Variants in DIP2C observed in about 807,000 individuals in gnomAD.
The protein encoded by DIP2C is disco-interacting protein 2 homolog C.
A neutral mutation model predicts 192.4 loss-of-function variants in DIP2C; 33 were observed. The ratio of observed to expected loss-of-function variants is 0.17; its 90% confidence interval spans 0.13 to 0.23. The LOEUF is 0.23. Ranked by LOEUF, DIP2C falls within the 10% of genes least tolerant of loss-of-function variation. DIP2C has a pLI of 1.00. For missense variants in DIP2C, 1,537 were observed against 2,110.1 expected (o/e 0.73, Z 5.32); for synonymous variants, 979 against 864.1 (o/e 1.13, Z -2.33).
rs568497392 is a variant in DIP2C at position 349,761 on chromosome 10, C to T, written c.2986-307G>A. 1.2e-4 allele frequency among the ~76,000 whole-genome samples: 18 copies of T among 152,310 alleles called. No individual in the cohort carries two copies. In the East Asian group the frequency reaches 2.1e-3, roughly 18 times the overall value. ...AAAAATGATTACGTGAATTAAAAAACGGTAGAACAAAAAACCCTGGCAATT... is the reference window on the plus strand; with the variant it reads ...AAAAATGATTACGTGAATTAAAAAATGGTAGAACAAAAAACCCTGGCAATT... On this transcript the variant is annotated intron_variant, in intron 24 of 36. Transcript: ENST00000280886.
Position 580,574 on chromosome 10 carries a change from T to C in DIP2C, c.86-94044A>G, listed in dbSNP as rs1049859591. ...ATAGCATGCACACATGTAGGACACA[T>C]GTAGTGTACATACCTATACATTGTA... On this transcript the variant is annotated intron_variant, in intron 1 of 36. Transcript: ENST00000280886. Among the ~76,000 whole-genome samples, 10 of 152,310 alleles carry C rather than the reference T, an allele frequency of 6.6e-5. No individual in the cohort carries two copies. The East Asian group carries it at 1.7e-3, about 26-fold the overall frequency.
chr10:630,236 T>C (rs1854440478), intron 1 of DIP2C: 2 of 152,208 alleles, frequency 1.3e-5, no homozygotes, highest in South Asian at 4.1e-4. Context: ...GTTCTGCTCT[T>C]TTGGTTTAAA....
chr10:344,830 A>C lies in DIP2C; in HGVS notation c.3432T>G (p.Thr1144=). 6.3e-7 allele frequency: 1 copy of C among 1,598,016 alleles called. No homozygotes were observed. Among genetic ancestry groups the C allele is most frequent in the South Asian group, 1.1e-5 (1 of 88,024 alleles). Reference sequence around the variant, plus strand: ...TCACCTTTACGCCAGCTAGCATCCCAGTTGTGGACACGCTGAAGTCGAGAT... The same window carrying C: ...TCACCTTTACGCCAGCTAGCATCCCCGTTGTGGACACGCTGAAGTCGAGAT... ...LAYLDFSVST[T]GMLAGVKMSH... is the part of the protein sequence containing the mutation. The change falls in exon 28 of 37, where the codon ACT becomes ACG. Residue 1144 remains threonine, a synonymous_variant. Coordinates refer to ENST00000280886, the MANE Select transcript of DIP2C (RefSeq NM_014974.3).
intron 3 of DIP2C, among the ~76,000 whole-genome samples, chr10:468,287 A>G (rs1420278105): frequency 6.6e-6 from 1 of 152,178 alleles, no homozygotes; most frequent in Non-Finnish European, 1.5e-5. Flanking sequence ...AACAGCAAAG[A>G]ATAAGGAAAC....
chr10:355,280 G>A (rs142557217), intron 24 of DIP2C, among the ~76,000 whole-genome samples: 61 of 152,328 alleles, frequency 4.0e-4, no homozygotes, highest in African/African-American at 1.4e-3. Flanking sequence ...CCGTGACAAC[G>A]TCAAGACGAC....
At chr10:622,379 GGGGAGGGAGGGAGGAGGGGGA>G (rs1223131056) in intron 1 of DIP2C, among the ~76,000 whole-genome samples, 2 of 112,044 alleles carry the variant, frequency 1.8e-5, no homozygotes, top group Non-Finnish European at 3.8e-5. Flanking sequence ...AGAGAAGAAG[GGGGAGGGAGGGAGGAGGGGGA>G]GGGAGGGAGG....
In DIP2C at chr10:406,060, G is replaced by A. The variant is rs76320670; in HGVS notation, c.1149+2866C>T. Among the ~76,000 whole-genome samples the A allele has an allele frequency of 5.8e-4, 88 of 152,244 alleles. 1 individual carries two copies. The East Asian group carries it at 0.012, about 21-fold the overall frequency. ...ACATATTTCATCAAACCGTGCTCCC[G>A]TATCTCTACTGACATCTTAGAGGAA... On this transcript the variant is annotated intron_variant, in intron 9 of 36. Coordinates refer to ENST00000280886, the MANE Select transcript of DIP2C (RefSeq NM_014974.3).
chr10:363,426 T>C lies in DIP2C; in HGVS notation c.2478-115A>G, dbSNP rs957695937. 2.4e-6 allele frequency: 2 copies of C among 831,522 alleles called. No individual in the cohort carries two copies. The highest frequency in any genetic ancestry group is 3.8e-6 in the Non-Finnish European group (2 of 522,662). The allele number at this position is 831,522 out of a possible 1,614,324, so 51.5% of individuals were successfully genotyped here. A position where few individuals can be genotyped will look rare whatever the true frequency, so the allele number is the denominator to read the frequency against. On this transcript the variant is annotated intron_variant, in intron 20 of 36. Transcript: ENST00000280886. This position sits in a 1 kb window ranked among gnomAD's most constrained non-coding sequence, Gnocchi z 5.4. Reference sequence around the variant, plus strand: ...TGAGTGACACAGCTCCAACTACGACTTCAAAACGGCCGCTGTACTTCCGAA... The same window carrying C: ...TGAGTGACACAGCTCCAACTACGACCTCAAAACGGCCGCTGTACTTCCGAA...
intron 1 of DIP2C, among the ~76,000 whole-genome samples, chr10:495,434 G>A (rs1247561355): frequency 1.3e-5 from 2 of 152,154 alleles, no homozygotes; most frequent in Non-Finnish European, 2.9e-5. Context: ...ACAAGGTGAG[G>A]AATGTGTTAT....
At chr10:376,775 G>A (rs1961651928) in intron 17 of DIP2C, among the ~76,000 whole-genome samples, 1 of 152,074 alleles carries the variant, frequency 6.6e-6, no homozygotes, top group Non-Finnish European at 1.5e-5. Flanking sequence ...CACAGTACTG[G>A]TAAAAATGCC....
At chr10:518,308 A>T (rs1052914342) in intron 1 of DIP2C, among the ~76,000 whole-genome samples, 1 of 152,228 alleles carries the variant, frequency 6.6e-6, no homozygotes, top group Non-Finnish European at 1.5e-5. Context: ...GCTTATGAGT[A>T]CAACTGCCAG....
intron 14 of DIP2C, among the ~76,000 whole-genome samples, chr10:385,421 C>G (rs915211676): frequency 1.3e-5 from 2 of 152,232 alleles, no homozygotes; most frequent in Non-Finnish European, 2.9e-5. Context: ...CTTTTTAAGA[C>G]GAAACCTTTG....
In DIP2C at chr10:330,931, G is replaced by A. The variant is rs562757679; in HGVS notation, c.3585-1330C>T. ...AAGCTGAGGCCATCCTCCCACCTCA[G>A]TCCCTGAGTAGCTGGGACTACAGAT... is the stretch of plus-strand genomic sequence containing the variant. On this transcript the variant is annotated intron_variant, in intron 29 of 36. Transcript: ENST00000280886. Among the ~76,000 whole-genome samples the A allele has an allele frequency of 2.0e-5, 3 of 149,700 alleles. No homozygotes were observed. The East Asian group carries it at 5.9e-4, about 29-fold the overall frequency.
chr10:443,804 G>A (rs1967931924), intron 3 of DIP2C, among the ~76,000 whole-genome samples: 2 of 152,142 alleles, frequency 1.3e-5, no homozygotes, highest in African/African-American at 4.8e-5. Flanking sequence ...AATGCTTTCA[G>A]AATTGCTATC....
intron 2 of DIP2C, among the ~76,000 whole-genome samples, chr10:482,725 C>T (rs923846993): frequency 2.6e-5 from 4 of 152,222 alleles, no homozygotes; most frequent in African/African-American, 4.8e-5. Flanking sequence ...TAAATCTCCA[C>T]GGCCTGTGTC....
intron 3 of DIP2C, among the ~76,000 whole-genome samples, chr10:452,039 C>A (rs542072744): frequency 2.6e-4 from 40 of 152,218 alleles, no homozygotes; most frequent in African/African-American, 8.9e-4. Context: ...CGACTCCAGA[C>A]GAGGACAGAG....
intron 1 of DIP2C, among the ~76,000 whole-genome samples, chr10:613,027 A>C (rs1853207727): frequency 6.6e-6 from 1 of 152,178 alleles, no homozygotes; most frequent in African/African-American, 2.4e-5. Context: ...GTTTTGCTTC[A>C]AGCAGAGCAT....
intron 1 of DIP2C, among the ~76,000 whole-genome samples, chr10:532,858 C>G (rs542329210): frequency 2.1e-4 from 32 of 152,140 alleles, no homozygotes; most frequent in African/African-American, 7.0e-4. Flanking sequence ...GGTGCTATCA[C>G]GGTTCAACTG....
At chr10:435,780 T>TG (rs1307176635) in intron 4 of DIP2C, among the ~76,000 whole-genome samples, 3 of 152,212 alleles carry the variant, frequency 2.0e-5, no homozygotes, top group Non-Finnish European at 2.9e-5. Context: ...TCCCTTCCTC[T>TG]GGCTCAAGTA....
Sources: allele counts gnomAD v4.1 joint callset (sites outside exome capture counted in the v4.1 genomes callset), GRCh38; gene constraint gnomAD v4.1.1; non-coding constraint Gnocchi (gnomAD v3.1); transcripts MANE v1.5; gene names NCBI Gene and HGNC (gene_info 2026-07-23, HGNC 2026-07-21).